The following NDUFAF2 variants were observed in gnomAD, a reference collection of about 807,000 sequenced individuals.
NDUFAF2 encodes NADH dehydrogenase [ubiquinone] 1 alpha subcomplex assembly factor 2.
In NDUFAF2, 13 loss-of-function variants were observed where a neutral mutation model predicts 22.8. The ratio of observed to expected loss-of-function variants is 0.57; its 90% CI spans 0.37 to 0.91. The LOEUF (loss-of-function observed/expected upper bound fraction) is 0.91, where lower values mean the gene tolerates loss of function less well. NDUFAF2 is among the 40% of genes least tolerant of loss of function. The pLI, the probability that NDUFAF2 is intolerant of heterozygous loss-of-function variation, is 0.01. For synonymous variants in NDUFAF2, 53 were observed against 64.2 expected (o/e 0.83, Z 0.84); for missense variants, 162 against 195.2 (o/e 0.83, Z 1.01).
intron 3 of NDUFAF2, among the ~76,000 whole-genome samples, chr5:61,109,663 G>T (rs1752810678): frequency 6.6e-6 from 1 of 152,104 alleles, no homozygotes; most frequent in South Asian, 2.1e-4. Flanking sequence ...GGATTATGGG[G>T]GTTGTTTTCC....
At chr5:61,145,760 A>G (rs1741128878) in intron 3 of NDUFAF2, 1 of 152,206 alleles carries the variant, frequency 6.6e-6, no homozygotes, top group Non-Finnish European at 1.5e-5. Flanking sequence ...ATTTAAGGAA[A>G]GTTTTGACAC....
chr5:60,966,048 TG>T (rs1426165991), intron 1 of NDUFAF2, among the ~76,000 whole-genome samples: 4 of 152,198 alleles, frequency 2.6e-5, no homozygotes, highest in African/African-American at 9.6e-5. Context: ...TTTGTCTTTT[TG>T]ATACTAGCCA....
chr5:60,994,991 A>C (rs1751211024), intron 1 of NDUFAF2, among the ~76,000 whole-genome samples: 1 of 152,092 alleles, frequency 6.6e-6, no homozygotes, highest in East Asian at 1.9e-4. Flanking sequence ...ACTCTGCTGC[A>C]TTCTTCAGTA....
At chr5:60,975,380 G>C (rs1750889436) in intron 1 of NDUFAF2, among the ~76,000 whole-genome samples, 1 of 151,916 alleles carries the variant, frequency 6.6e-6, no homozygotes, top group Non-Finnish European at 1.5e-5. Flanking sequence ...AATGGGGAAG[G>C]CTGCAGGAGC....
intron 2 of NDUFAF2, among the ~76,000 whole-genome samples, chr5:61,081,088 A>AT (rs1752436333): frequency 1.3e-5 from 2 of 151,666 alleles, no homozygotes; most frequent in African/African-American, 4.9e-5. Context: ...AATGACCACT[A>AT]TTTTTTCCAT....
chr5:61,031,490 CT>C (rs1294975212), intron 1 of NDUFAF2, among the ~76,000 whole-genome samples: 1 of 150,868 alleles, frequency 6.6e-6, no homozygotes, highest in Non-Finnish European at 1.5e-5. Context: ...TGAACTCATG[CT>C]TTTTTATGGC....
At chr5:61,131,554 G>A (rs923675153) in intron 3 of NDUFAF2, among the ~76,000 whole-genome samples, 2 of 152,052 alleles carry the variant, frequency 1.3e-5, no homozygotes, top group African/African-American at 2.4e-5. Flanking sequence ...AATGTTGTTT[G>A]TAGTATTGTA....
intron 3 of NDUFAF2, among the ~76,000 whole-genome samples, chr5:61,148,792 T>C (rs759918410): frequency 1.4e-4 from 22 of 152,230 alleles, no homozygotes; most frequent in Admixed American, 2.0e-4. Flanking sequence ...ATTTGAGGTA[T>C]AAATATTTAT....
intron 1 of NDUFAF2, among the ~76,000 whole-genome samples, chr5:60,948,439 C>G (rs1265319495): frequency 1.3e-5 from 2 of 152,056 alleles, no homozygotes; most frequent in African/African-American, 2.4e-5. Flanking sequence ...GTCTTGAACT[C>G]CTGGCTTTGT....
chr5:60,984,408 G>T lies in NDUFAF2; in HGVS notation c.127+39026G>T, dbSNP rs542474581. Among the ~76,000 whole-genome samples the T allele has an allele frequency of 9.2e-5, 14 of 152,058 alleles. 1 individual carries two copies. Among genetic ancestry groups the T allele is most frequent in the African/African-American group, 3.4e-4 (14 of 41,484 alleles). On this transcript the variant is annotated intron_variant, in intron 1 of 3. Transcript: ENST00000296597. Reference sequence around the variant, plus strand: ...CTTTATTTCCTTCTCCTGCCTGATTGCCCTGGCCAGAACTTCCAACACTAT... The same window carrying T: ...CTTTATTTCCTTCTCCTGCCTGATTTCCCTGGCCAGAACTTCCAACACTAT...
chr5:60,978,957 A>G (rs1202732521), intron 1 of NDUFAF2, among the ~76,000 whole-genome samples: 1 of 152,130 alleles, frequency 6.6e-6, no homozygotes, highest in East Asian at 1.9e-4. Flanking sequence ...TGTTCTTCCA[A>G]CTTGGATACC....
chr5:61,119,177 C>T (rs1211542007), intron 3 of NDUFAF2, among the ~76,000 whole-genome samples: 5 of 152,086 alleles, frequency 3.3e-5, no homozygotes, highest in Admixed American at 1.3e-4. Context: ...GCATACAGAA[C>T]GAATCAGTAT....
intron 1 of NDUFAF2, among the ~76,000 whole-genome samples, chr5:61,037,204 G>GA (rs2112613380): frequency 6.6e-6 from 1 of 152,272 alleles, no homozygotes; most frequent in African/African-American, 2.4e-5. Flanking sequence ...ACTATAAGAT[G>GA]AAGTGAAAGT....
chr5:61,150,788 C>T (rs945363753), intron 3 of NDUFAF2, among the ~76,000 whole-genome samples: 2 of 152,154 alleles, frequency 1.3e-5, no homozygotes, highest in African/African-American at 4.8e-5. Flanking sequence ...AAAGAACGAA[C>T]TTCCATTAAG....
chr5:61,082,411 T>G (rs1752454530), intron 2 of NDUFAF2, among the ~76,000 whole-genome samples: 1 of 152,104 alleles, frequency 6.6e-6, no homozygotes, highest in Non-Finnish European at 1.5e-5. Context: ...CACTTTACTT[T>G]TTTCTTTCTT....
chr5:60,972,935 C>T (rs1204129014), intron 1 of NDUFAF2, among the ~76,000 whole-genome samples: 1 of 151,472 alleles, frequency 6.6e-6, no homozygotes, highest in Admixed American at 6.6e-5. Context: ...TTGTTAGTTT[C>T]TAATGATATC....
chr5:61,076,047 G>A (rs1752364484), intron 2 of NDUFAF2, among the ~76,000 whole-genome samples: 1 of 151,974 alleles, frequency 6.6e-6, no homozygotes, highest in Non-Finnish European at 1.5e-5. Context: ...AAAGGGCATA[G>A]GGAGTGTTGG....
At chr5:61,037,173 C>T (rs181486079) in intron 1 of NDUFAF2, among the ~76,000 whole-genome samples, 68 of 152,074 alleles carry the variant, frequency 4.5e-4, no homozygotes, top group Non-Finnish European at 6.9e-4. Context: ...TGTGTTTAGG[C>T]GGTGATTGAG....
chr5:61,039,841 T>A (rs1194135311), intron 1 of NDUFAF2, among the ~76,000 whole-genome samples: 1 of 152,186 alleles, frequency 6.6e-6, no homozygotes, highest in Non-Finnish European at 1.5e-5. Context: ...GGTGGAACAG[T>A]CATCCCTACT....
Sources: gnomAD v4.1 joint callset for allele counts (sites outside exome capture counted in the v4.1 genomes callset) on GRCh38, gnomAD v4.1.1 for gene constraint, MANE v1.5 for transcripts, NCBI Gene and HGNC (gene_info 2026-07-23, HGNC 2026-07-21) for gene names.